The following RBAK variants were observed in gnomAD, a reference collection of about 807,000 sequenced individuals.
RBAK encodes RB-associated KRAB zinc finger protein.
Under a neutral mutation model 65.8 loss-of-function variants are expected in RBAK, and 39 were observed. That is an observed-to-expected ratio of 0.59 (90% CI 0.46 to 0.77). RBAK has a LOEUF of 0.77. Ranked by LOEUF, RBAK falls within the 30% of genes least tolerant of loss-of-function variation. RBAK has a pLI of 0.00. For missense variants in RBAK, 884 were observed against 855.1 expected (o/e 1.03, Z -0.42); for synonymous variants, 343 against 289.7 (o/e 1.18, Z -1.87).
rs137899687 is a variant in RBAK, at chr7:5,067,494, A to C, written c.*1893A>C. 6.6e-6 allele frequency: 1 copy of C among 152,326 alleles called. No individual in the cohort carries two copies. The highest frequency in any genetic ancestry group is 1.5e-5 in the Non-Finnish European group (1 of 68,004). 9.4% of individuals were successfully genotyped at this position (152,326 alleles called of 1,614,324 possible). ...AATTACAAAGGAGGAGAGGGATAGG[A>C]TTCCAGGACAATCTCAAAACTATTG... is the stretch of plus-strand genomic sequence containing the variant. On this transcript the variant is annotated 3_prime_UTR_variant, in exon 5 of 5. Coordinates refer to ENST00000396912, the MANE Select transcript of RBAK (RefSeq NM_021163.4).
rs573286418 is a variant in RBAK at position 5,046,400 on chromosome 7, G to A, written c.-45+4G>A. ...GAGGCTGCGGAGCCCCAGAAGGGTA[G>A]GTCTTGGGTTTTCGGGCCCGGAGCG... On this transcript the variant is annotated splice_donor_region_variant and intron_variant, in intron 1 of 4. Coordinates refer to ENST00000396912, the MANE Select transcript of RBAK (RefSeq NM_021163.4). The A allele has an allele frequency of 3.2e-4, 165 of 515,124 alleles. No individual in the cohort carries two copies. The East Asian group carries it at 7.5e-3, about 23-fold the overall frequency. 31.9% of individuals were successfully genotyped at this position (515,124 alleles called of 1,614,324 possible). A position where few individuals can be genotyped will look rare whatever the true frequency, so the allele number is the denominator to read the frequency against.
intron 4 of RBAK, among the ~76,000 whole-genome samples, chr7:5,059,366 G>T (rs570193672): frequency 2.0e-5 from 3 of 151,514 alleles, no homozygotes; most frequent in African/African-American, 7.3e-5. Context: ...TGTCGCCCAG[G>T]CTGGAGTGCA....
rs774095753 is a variant in RBAK, at chr7:5,064,637, C to T, written c.1181C>T (p.Thr394Ile). Residue 394 changes from threonine to isoleucine, a missense_variant, in exon 5 of 5, where the codon ACT becomes ATT. Transcript: ENST00000396912. This position sits in a 1 kb window ranked among gnomAD's most constrained non-coding sequence, Gnocchi z 6.3. Reference protein sequence around the residue: ...RKSALSDHQRTHTGEKLYKCN... With the variant: ...RKSALSDHQRIHTGEKLYKCN... ...TCTGCTCTCAGTGACCATCAGAGAACTCACACGGGAGAGAAGCTTTATAAA... is the reference window on the plus strand; with the variant it reads ...TCTGCTCTCAGTGACCATCAGAGAATTCACACGGGAGAGAAGCTTTATAAA... 6.8e-6 allele frequency: 11 copies of T among 1,613,574 alleles called. No individual in the cohort carries two copies. The South Asian group carries it at 1.1e-4, about 16-fold the overall frequency.
chr7:5,061,034 T>C (rs1450363957), intron 4 of RBAK, among the ~76,000 whole-genome samples: 1 of 152,216 alleles, frequency 6.6e-6, no homozygotes, highest in Non-Finnish European at 1.5e-5. Context: ...GTATTCAGAA[T>C]TAAGTAAAAG....
chr7:5,053,887 C>G (rs1432657771), intron 2 of RBAK, among the ~76,000 whole-genome samples: 2 of 152,166 alleles, frequency 1.3e-5, no homozygotes, highest in African/African-American at 2.4e-5. Flanking sequence ...GGGTTGTAAA[C>G]TCTGTCAATT....
intron 4 of RBAK, among the ~76,000 whole-genome samples, chr7:5,058,676 C>T (rs1415474390): frequency 3.3e-5 from 5 of 152,114 alleles, no homozygotes; most frequent in African/African-American, 9.7e-5. Flanking sequence ...GCTCATGACC[C>T]GTCTGTGTGT....
intron 2 of RBAK, among the ~76,000 whole-genome samples, chr7:5,050,331 A>G (rs1788088651): frequency 6.6e-6 from 1 of 152,186 alleles, no homozygotes; most frequent in Non-Finnish European, 1.5e-5. Context: ...TAAAAAATAT[A>G]TCTTTTATGC....
intron 4 of RBAK, 50 bp downstream of exon 4, chr7:5,057,829 G>A (rs1396433928): frequency 6.2e-7 from 1 of 1,606,450 alleles, no homozygotes; most frequent in Non-Finnish European, 8.5e-7. Flanking sequence ...CCAGACCTTT[G>A]GGAGAGACTA....
rs1779267791 is a variant in RBAK, at chr7:5,068,197, G to C, written c.*2596G>C. On this transcript the variant is annotated 3_prime_UTR_variant, in exon 5 of 5. Transcript: ENST00000396912. ...AGGCACCAGATGGTGAAAATTTTCA[G>C]CTTTGTCACAACTGCTCATCTTTGC... The C allele has an allele frequency of 6.6e-6, 1 of 152,094 alleles. No homozygotes were observed. Among genetic ancestry groups the C allele is most frequent in the Admixed American group, 6.6e-5 (1 of 15,258 alleles). The allele number at this position is 152,094 out of a possible 1,614,324, so 9.4% of individuals were successfully genotyped here. A position where few individuals can be genotyped will look rare whatever the true frequency, so the allele number is the denominator to read the frequency against.
rs1344309788 is a variant in RBAK at position 5,048,218 on chromosome 7, G to GCT, written c.15+128_15+129dup. On this transcript the variant is annotated intron_variant, in intron 2 of 4. Transcript: ENST00000396912. The surrounding 1 kb of genome is among the most constrained non-coding windows in gnomAD (Gnocchi z 4.4). ...GATGGAGTCTTGCTCTGTTGCCCAG[G>GCT]CTGGAGTGCAGTGGCATGATCTCGC... 2 of 1,365,794 alleles carry GCT rather than the reference G, an allele frequency of 1.5e-6. No homozygotes were observed. The highest frequency in any genetic ancestry group is 2.0e-6 in the Non-Finnish European group (2 of 1,011,908). 84.6% of individuals were successfully genotyped at this position (1,365,794 alleles called of 1,614,324 possible).
chr7:5,065,488 C>A lies in RBAK; in HGVS notation c.2032C>A (p.Pro678Thr). Residue 678 changes from proline to threonine, a missense_variant, in exon 5 of 5, where the codon CCC becomes ACC. Coordinates refer to ENST00000396912, the MANE Select transcript of RBAK (RefSeq NM_021163.4). This position sits in a 1 kb window ranked among gnomAD's most constrained non-coding sequence, Gnocchi z 5.3. ...CTATAGAACTCATTCAGGAGAGAAA[C>A]CCTATGAATGTAACGAGTGTGGGAA... The part of the protein sequence containing the change: ...VHYRTHSGEK[P>T]YECNECGKKF... 1 of 1,606,500 alleles carries A rather than the reference C, an allele frequency of 6.2e-7. No homozygotes were observed. The highest frequency in any genetic ancestry group is 8.5e-7 in the Non-Finnish European group (1 of 1,174,354).
At chr7:5,046,486 G>A (rs1787987430) in intron 1 of RBAK, 90 bp downstream of exon 1, 1 of 415,070 alleles carries the variant, frequency 2.4e-6, no homozygotes, top group Admixed American at 2.9e-5. Context: ...CAGGGGGAGG[G>A]TCTCGATCGC....
At chr7:5,056,329 G>A (rs1788231377) in intron 2 of RBAK, among the ~76,000 whole-genome samples, 1 of 151,486 alleles carries the variant, frequency 6.6e-6, no homozygotes, top group South Asian at 2.1e-4. Flanking sequence ...TGTTGCCCAA[G>A]CTGGTCTCGA....
At position 5,065,760 on chromosome 7, in the gene RBAK, G is replaced by A. The variant is rs537238117; in HGVS notation, c.*159G>A. 3.1e-5 allele frequency: 15 copies of A among 486,902 alleles called. No homozygotes were observed. The highest frequency in any genetic ancestry group is 2.3e-4 in the East Asian group (7 of 30,346). 30.2% of individuals were successfully genotyped at this position (486,902 alleles called of 1,614,324 possible). ...CCAAATTTTCACAGAGAAGAATCCC[G>A]AAGAATGTAACAAGAAGCAAAGCCT... On this transcript the variant is annotated 3_prime_UTR_variant, in exon 5 of 5. Transcript: ENST00000396912. This position sits in a 1 kb window ranked among gnomAD's most constrained non-coding sequence, Gnocchi z 5.3.
intron 2 of RBAK, among the ~76,000 whole-genome samples, chr7:5,050,130 C>G (rs1165156176): frequency 3.3e-5 from 5 of 152,204 alleles, no homozygotes; most frequent in African/African-American, 1.2e-4. Flanking sequence ...AGCCACCACA[C>G]CTGGCTAATA....
chr7:5,060,734 A>G (rs1779049604), intron 4 of RBAK, among the ~76,000 whole-genome samples: 1 of 152,268 alleles, frequency 6.6e-6, no homozygotes, highest in Non-Finnish European at 1.5e-5. Context: ...GATTAGTGGA[A>G]TGCTAGCTTG....
intron 2 of RBAK, among the ~76,000 whole-genome samples, chr7:5,056,109 T>C (rs192120922): frequency 0.041 from 6,003 of 146,162 alleles, 145 homozygotes; most frequent in Middle Eastern, 0.067. Flanking sequence ...TTTTTCTTTT[T>C]TTTTTTTTTT....
chr7:5,064,068 C>T lies in RBAK; in HGVS notation c.612C>T (p.Pro204=). Residue 204 remains proline, a synonymous_variant, in exon 5 of 5, where the codon CCC becomes CCT. Coordinates refer to ENST00000396912, the MANE Select transcript of RBAK (RefSeq NM_021163.4). The surrounding 1 kb of genome is among the most constrained non-coding windows in gnomAD (Gnocchi z 6.3). ...AGAAAATTAGTATTTTGGAGAAACC[C>T]TTTGAATATAATGAATGCATGGAAG... is the stretch of plus-strand genomic sequence containing the variant. The part of the protein sequence containing the change: ...ILQKISILEK[P]FEYNECMEAL... 1 of 1,613,658 alleles carries T rather than the reference C, an allele frequency of 6.2e-7. No individual in the cohort carries two copies. Among genetic ancestry groups the T allele is most frequent in the Non-Finnish European group, 8.5e-7 (1 of 1,179,932 alleles).
chr7:5,050,042 G>A (rs1292487126), intron 2 of RBAK, among the ~76,000 whole-genome samples: 2 of 152,102 alleles, frequency 1.3e-5, no homozygotes, highest in Non-Finnish European at 2.9e-5. Context: ...CCACTGTATT[G>A]CTCAGACTGG....
Sources: allele counts gnomAD v4.1 joint callset (sites outside exome capture counted in the v4.1 genomes callset), GRCh38; gene constraint gnomAD v4.1.1; non-coding constraint Gnocchi (gnomAD v3.1); transcripts MANE v1.5; gene names NCBI Gene and HGNC (gene_info 2026-07-23, HGNC 2026-07-21).